The following PRKRIP1 variants were observed in gnomAD, a reference collection of about 807,000 sequenced individuals.
PRKRIP1 encodes PRKR interacting protein 1.
In PRKRIP1, 29 loss-of-function variants were observed where a neutral mutation model predicts 29.3. The ratio of observed to expected loss-of-function variants is 0.99; its 90% CI spans 0.74 to 1.35. PRKRIP1 has a LOEUF of 1.35. Among genes scored for constraint, PRKRIP1 ranks in the 40% most tolerant of loss-of-function variants. The probability of loss-of-function intolerance (pLI) is 0.00; values close to 1 mark genes in which losing one functional copy is unlikely to be tolerated. For missense variants in PRKRIP1, 247 were observed against 236.8 expected (o/e 1.04, Z -0.28); for synonymous variants, 90 against 85.1 (o/e 1.06, Z -0.32).
chr7:102,404,529 T>G, intron 3 of PRKRIP1, 69 bp from the exon 4 acceptor site: 2 of 1,298,176 alleles, frequency 1.5e-6, no homozygotes, highest in South Asian at 2.6e-5. Flanking sequence ...TCTCCTACTT[T>G]GCCTGAGCAA....
chr7:102,404,930 T>C lies in PRKRIP1; in HGVS notation c.392+247T>C, dbSNP rs1317604243. On this transcript the variant is annotated intron_variant, in intron 4 of 5. Transcript: ENST00000397912. ...TTTCTGTGTCTCCTTCAGGTCTGTA[T>C]TTTTTTTTTTTTTTGAGACAAAGTC... Among the ~76,000 whole-genome samples the C allele has an allele frequency of 5.9e-5, 8 of 135,740 alleles. No individual in the cohort carries two copies. The South Asian group carries it at 1.8e-3, about 31-fold the overall frequency. 89.1% of individuals were successfully genotyped at this position (135,740 alleles called of 152,430 possible). A position where few individuals can be genotyped will look rare whatever the true frequency, so the allele number is the denominator to read the frequency against.
intron 2 of PRKRIP1, among the ~76,000 whole-genome samples, chr7:102,398,158 G>A (rs552091478): frequency 1.3e-5 from 2 of 152,286 alleles, no homozygotes; most frequent in East Asian, 3.9e-4. Flanking sequence ...CAATGACGGG[G>A]ATATAGTTGC....
chr7:102,409,688 G>A (rs1374537353), intron 5 of PRKRIP1, among the ~76,000 whole-genome samples: 5 of 152,014 alleles, frequency 3.3e-5, no homozygotes, highest in African/African-American at 1.2e-4. Context: ...GTCAGGTGTG[G>A]TGGTGCACGC....
At chr7:102,410,046 GAATGTCTTGAAC>G in intron 5 of PRKRIP1, among the ~76,000 whole-genome samples, 1 of 152,150 alleles carries the variant, frequency 6.6e-6, no homozygotes, top group African/African-American at 2.4e-5. Flanking sequence ...AGATTTCCTT[GAATGTCTTGAAC>G]CACCGCATCT....
chr7:102,408,357 G>A (rs1176211300), intron 5 of PRKRIP1, among the ~76,000 whole-genome samples: 1 of 152,144 alleles, frequency 6.6e-6, no homozygotes, highest in Non-Finnish European at 1.5e-5. Flanking sequence ...CAAACCTATC[G>A]TGATCCAGCA....
intron 5 of PRKRIP1, chr7:102,422,968 G>A (rs1554573941): frequency 6.5e-6 from 2 of 309,614 alleles, no homozygotes; most frequent in Non-Finnish European, 1.3e-5. Flanking sequence ...CGAGCATTTT[G>A]GATAAGGGAT....
At chr7:102,422,963 A>G (rs985853367) in intron 5 of PRKRIP1, 24 of 314,492 alleles carry the variant, frequency 7.6e-5, no homozygotes, top group Non-Finnish European at 1.1e-4. Context: ...GGTCCCGAGC[A>G]TTTTGGATAA....
chr7:102,418,850 C>T (rs536780349), intron 5 of PRKRIP1, among the ~76,000 whole-genome samples: 14 of 151,454 alleles, frequency 9.2e-5, no homozygotes, highest in Admixed American at 9.2e-4. Flanking sequence ...TCAGCACTTT[C>T]TTTGTTTTTA....
intron 5 of PRKRIP1, 52 bp downstream of exon 5, chr7:102,407,550 C>A: frequency 7.3e-7 from 1 of 1,364,176 alleles, no homozygotes; most frequent in Non-Finnish European, 1.0e-6. Context: ...TTGTTGGTCA[C>A]AGTGGCTGAA....
rs1554570916 is a variant in PRKRIP1, at chr7:102,399,531, G to T, written c.206-17G>T. ...TAACTGAATTTCATCTAGAACTGTGGACTGTTCTGGCTACAGGTTCAAGTG... is the reference window on the plus strand; with the variant it reads ...TAACTGAATTTCATCTAGAACTGTGTACTGTTCTGGCTACAGGTTCAAGTG... On this transcript the variant is annotated splice_polypyrimidine_tract_variant and intron_variant, in intron 2 of 5. Transcript: ENST00000397912. 1 of 1,601,018 alleles carries T rather than the reference G, an allele frequency of 6.2e-7. No individual in the cohort carries two copies.
Position 102,397,629 on chromosome 7 carries a change from G to T in PRKRIP1, c.136G>T (p.Val46Phe). The change falls in exon 2 of 6, where the codon GTT (valine) becomes TTT (phenylalanine). Residue 46 changes from valine (V) to phenylalanine (F), a missense_variant. Physicochemically the swap from Val to Phe is conservative, Grantham distance 50. Coordinates refer to ENST00000397912, the MANE Select transcript of PRKRIP1 (RefSeq NM_024653.4). ...TGTTTAAATGTTGCAGGACAAAGCAGTTCCAATTCCAGAGAAAATGAGTGA... is the reference window on the plus strand; with the variant it reads ...TGTTTAAATGTTGCAGGACAAAGCATTTCCAATTCCAGAGAAAATGAGTGA... ...ERLMKNPDKA[V>F]PIPEKMSEWA... The T allele has an allele frequency of 6.2e-7, 1 of 1,613,702 alleles. No homozygotes were observed. The highest frequency in any genetic ancestry group is 1.3e-5 in the African/African-American group (1 of 75,024).
chr7:102,419,848 TG>T (rs1796646471), intron 5 of PRKRIP1, among the ~76,000 whole-genome samples: 3 of 4,170 alleles, frequency 7.2e-4, no homozygotes, highest in Non-Finnish European at 4.6e-3. Context: ...TGTGTTTTTG[TG>T]TGTGTGTGTG....
chr7:102,400,755 C>T (rs1158617578), intron 3 of PRKRIP1, among the ~76,000 whole-genome samples: 1 of 152,140 alleles, frequency 6.6e-6, no homozygotes, highest in East Asian at 1.9e-4. Context: ...CCTGCCTCAG[C>T]TTCCTGAGTA....
intron 5 of PRKRIP1, among the ~76,000 whole-genome samples, chr7:102,421,991 T>G (rs913008924): frequency 9.9e-5 from 15 of 152,012 alleles, no homozygotes; most frequent in Non-Finnish European, 2.9e-5. Flanking sequence ...AGCACTTATG[T>G]GTGAATAAGT....
In PRKRIP1 at chr7:102,425,184, CTT is replaced by C; in HGVS notation, c.*75_*76del. 1 of 1,545,912 alleles carries C rather than the reference CTT, an allele frequency of 6.5e-7. No homozygotes were observed. The highest frequency in any genetic ancestry group is 1.9e-5 in the Admixed American group (1 of 51,594). ...AGAAGGGAAAGGCGGCTGTTTGGCT[CTT>C]TCTCCCCCGCAAGGACCCGCTGACC... On this transcript the variant is annotated 3_prime_UTR_variant, in exon 6 of 6. Coordinates refer to ENST00000397912, the MANE Select transcript of PRKRIP1 (RefSeq NM_024653.4).
At chr7:102,415,260 G>T (rs1313991629) in intron 5 of PRKRIP1, among the ~76,000 whole-genome samples, 1 of 152,144 alleles carries the variant, frequency 6.6e-6, no homozygotes, top group Non-Finnish European at 1.5e-5. Context: ...TTTTTGAAAT[G>T]GAGTCTTGCT....
rs771488382 is a variant in PRKRIP1 at position 102,396,404 on chromosome 7, A to G, written c.-8A>G. Reference sequence around the variant, plus strand: ...GCCGCCGCTCGCTTGTGAAACTGGAAGGCTGCCATGGCTAGCCCAGCCGCC... The same window carrying G: ...GCCGCCGCTCGCTTGTGAAACTGGAGGGCTGCCATGGCTAGCCCAGCCGCC... On this transcript the variant is annotated 5_prime_UTR_variant, in exon 1 of 6. Transcript: ENST00000397912. The G allele has an allele frequency of 6.5e-7, 1 of 1,549,054 alleles. No homozygotes were observed. Among genetic ancestry groups the G allele is most frequent in the Non-Finnish European group, 8.7e-7 (1 of 1,154,498 alleles).
intron 5 of PRKRIP1, among the ~76,000 whole-genome samples, chr7:102,413,872 G>C (rs1796462108): frequency 2.0e-5 from 3 of 152,212 alleles, no homozygotes; most frequent in African/African-American, 7.2e-5. Context: ...TATGCCTGTA[G>C]CCTGTGAATA....
At chr7:102,397,397 T>C (rs1795936821) in intron 1 of PRKRIP1, among the ~76,000 whole-genome samples, 1 of 151,880 alleles carries the variant, frequency 6.6e-6, no homozygotes, top group Non-Finnish European at 1.5e-5. Context: ...AATAAAAAAA[T>C]TGCCTGGTGT....
Sources: gnomAD v4.1 joint callset for allele counts (sites outside exome capture counted in the v4.1 genomes callset) on GRCh38, gnomAD v4.1.1 for gene constraint, MANE v1.5 for transcripts, NCBI Gene and HGNC (gene_info 2026-07-23, HGNC 2026-07-21) for gene names.